The following DPEP1 variants were observed in gnomAD, a reference collection of about 807,000 sequenced individuals.
The protein encoded by DPEP1 is beta-lactamase.
A neutral mutation model predicts 42.3 loss-of-function variants in DPEP1; 50 were observed. The observed-to-expected ratio is 1.18, with a 90% CI of 0.94 to 1.50. The LOEUF is 1.50. Ranked by LOEUF, DPEP1 falls within the 40% of genes most tolerant of loss-of-function variation. DPEP1 has a pLI of 0.00. For synonymous variants in DPEP1, 297 were observed against 234.0 expected, an observed-to-expected ratio of 1.27 and a Z score of -2.46; for missense variants, 663 against 553.0, an observed-to-expected ratio of 1.20 and a Z score of -1.99.
chr16:89,640,604 G>T, downstream of DPEP1: 2 of 982,238 alleles, frequency 2.0e-6, no homozygotes, highest in Non-Finnish European at 2.4e-6. Flanking sequence ...CCTGGCTGCT[G>T]ATCATCCAGG....
chr16:89,635,932 G>A lies in DPEP1; in HGVS notation c.129G>A (p.Leu43=). 6.2e-7 allele frequency: 1 copy of A among 1,609,388 alleles called. No homozygotes were observed. The highest frequency in any genetic ancestry group is 2.2e-5 in the East Asian group (1 of 44,870). ...GGCACAATGACCTCCCCTGGCAGCTGCTGGATATGTTCAACAACCGGCTGC... is the reference window on the plus strand; with the variant it reads ...GGCACAATGACCTCCCCTGGCAGCTACTGGATATGTTCAACAACCGGCTGC... ...IDGHNDLPWQ[L]LDMFNNRLQD... Residue 43 remains leucine, a synonymous_variant, in exon 3 of 11, where the codon CTG becomes CTA. Coordinates refer to ENST00000690203, the MANE Select transcript of DPEP1 (RefSeq NM_001389466.1).
At chr16:89,622,984 G>A (rs1038047775) in intron 1 of DPEP1, among the ~76,000 whole-genome samples, 6 of 152,052 alleles carry the variant, frequency 3.9e-5, no homozygotes. Flanking sequence ...TTGCAGGCAC[G>A]ATGGGCCGGG....
At position 89,637,821 on chromosome 16, in the gene DPEP1, C is replaced by T; in HGVS notation, c.930-15C>T. ...TCCTAGTGTGGGGGCCCAGGTTCTC[C>T]TGGCCTCAACACAGGGTCCCTGAGG... On this transcript the variant is annotated splice_polypyrimidine_tract_variant and intron_variant, in intron 9 of 10. Transcript: ENST00000690203. 1.9e-6 allele frequency: 3 copies of T among 1,612,660 alleles called. No homozygotes were observed. In the South Asian group the frequency reaches 3.3e-5, roughly 18 times the overall value.
chr16:89,616,426 G>A (rs1037516784), intron 1 of DPEP1, among the ~76,000 whole-genome samples: 1 of 152,116 alleles, frequency 6.6e-6, no homozygotes, highest in South Asian at 2.1e-4. Flanking sequence ...GGGTGTGCTC[G>A]GGGCTGTGCC....
At chr16:89,622,740 C>T (rs376851072) in intron 1 of DPEP1, among the ~76,000 whole-genome samples, 38 of 150,784 alleles carry the variant, frequency 2.5e-4, no homozygotes, top group Non-Finnish European at 4.1e-4. Context: ...GCCGAGATCG[C>T]GCCATTGCAC....
At chr16:89,623,854 C>T (rs1207104692) in intron 1 of DPEP1, among the ~76,000 whole-genome samples, 2 of 152,034 alleles carry the variant, frequency 1.3e-5, no homozygotes, top group Non-Finnish European at 2.9e-5. Flanking sequence ...TTCCCTGGAC[C>T]GGAGGCAGAG....
intron 1 of DPEP1, among the ~76,000 whole-genome samples, chr16:89,629,810 G>A (rs949188719): frequency 2.6e-5 from 4 of 152,184 alleles, no homozygotes; most frequent in Admixed American, 6.5e-5. Context: ...CCGGGGGTGC[G>A]GACCCCTCAG....
downstream of DPEP1, among the ~76,000 whole-genome samples, chr16:89,641,434 C>T (rs112757812): frequency 2.0e-5 from 3 of 152,204 alleles, no homozygotes; most frequent in African/African-American, 7.2e-5. Context: ...TCGCTTCTCA[C>T]GGTGCCCCTT....
intron 1 of DPEP1, among the ~76,000 whole-genome samples, chr16:89,618,828 A>G (rs2059407734): frequency 6.6e-6 from 1 of 151,920 alleles, no homozygotes; most frequent in Non-Finnish European, 1.5e-5. Flanking sequence ...AACGGTAGGA[A>G]CCCTGCACAA....
At chr16:89,626,049 A>G (rs1196829814) in intron 1 of DPEP1, among the ~76,000 whole-genome samples, 1 of 152,104 alleles carries the variant, frequency 6.6e-6, no homozygotes, top group Non-Finnish European at 1.5e-5. Context: ...TGCTCGGAAG[A>G]CATGTGCCTC....
At chr16:89,634,993 C>T (rs1314381546) in intron 2 of DPEP1, among the ~76,000 whole-genome samples, 2 of 68,636 alleles carry the variant, frequency 2.9e-5, no homozygotes, top group Admixed American at 2.5e-4. Flanking sequence ...CTTCTCCTTT[C>T]CCTTCCTTCT....
At chr16:89,624,830 G>A (rs1247740548) in intron 1 of DPEP1, among the ~76,000 whole-genome samples, 2 of 152,072 alleles carry the variant, frequency 1.3e-5, no homozygotes, top group African/African-American at 4.8e-5. Context: ...CCACCCCCTC[G>A]GCCAGTTTTC....
chr16:89,635,867 T>C (rs769402549), intron 2 of DPEP1, 41 bp from the exon 3 acceptor site: 4 of 1,555,906 alleles, frequency 2.6e-6, no homozygotes, highest in South Asian at 2.4e-5. Flanking sequence ...CAGGTCCCAG[T>C]GGCCGCCCTG....
At position 89,617,704 on chromosome 16, in the gene DPEP1, G is replaced by GCGCGGCGGCT. The variant is rs1567979095; in HGVS notation, c.-107+3986_-107+3987insGCGGCGGCTC. Among the ~76,000 whole-genome samples, 4 of 151,056 alleles carry GCGCGGCGGCT rather than the reference G, an allele frequency of 2.6e-5. 2 individuals carry two copies. Among genetic ancestry groups the GCGCGGCGGCT allele is most frequent in the African/African-American group, 9.7e-5 (4 of 41,168 alleles). ...TAATCCCAGCACTTTGGGAGGTTGG[G>GCGCGGCGGCT]CACGGTGGCTCACACCTGTAATCCC... On this transcript the variant is annotated intron_variant, in intron 1 of 10. Coordinates refer to ENST00000690203, the MANE Select transcript of DPEP1 (RefSeq NM_001389466.1).
At chr16:89,624,448 A>C (rs1172336892) in intron 1 of DPEP1, among the ~76,000 whole-genome samples, 17 of 152,198 alleles carry the variant, frequency 1.1e-4, no homozygotes, top group Non-Finnish European at 1.5e-5. Flanking sequence ...CAAAACACGG[A>C]AAGAAAGCAG....
At chr16:89,625,487 T>C (rs1247514629) in intron 1 of DPEP1, among the ~76,000 whole-genome samples, 4 of 152,144 alleles carry the variant, frequency 2.6e-5, no homozygotes, top group Admixed American at 1.3e-4. Flanking sequence ...TGGACAAACA[T>C]TCAAACTCTA....
At chr16:89,629,612 C>T (rs1369766338) in intron 1 of DPEP1, among the ~76,000 whole-genome samples, 2 of 152,078 alleles carry the variant, frequency 1.3e-5, no homozygotes, top group Non-Finnish European at 2.9e-5. Context: ...CCAGACACCA[C>T]CCAGCCCTGG....
In DPEP1 at chr16:89,638,077, A is replaced by C; in HGVS notation, c.1091A>C (p.Glu364Ala). ...EQASNLTQAP[E>A]EEPIPLDQLG... Reference sequence around the variant, plus strand: ...GCCAGCAACCTCACACAGGCTCCCGAGGAGGAGCCCATCCCGCTGGACCAG... The same window carrying C: ...GCCAGCAACCTCACACAGGCTCCCGCGGAGGAGCCCATCCCGCTGGACCAG... The change falls in exon 11 of 11, where the codon GAG (glutamate) becomes GCG (alanine). Residue 364 changes from glutamate to alanine, a missense_variant. Glu to Ala is a moderately radical substitution (Grantham distance 107). Transcript: ENST00000690203. 6.2e-7 allele frequency: 1 copy of C among 1,612,278 alleles called. No homozygotes were observed. Among genetic ancestry groups the C allele is most frequent in the Non-Finnish European group, 8.5e-7 (1 of 1,179,832 alleles).
At chr16:89,640,095 C>T (rs536957335), downstream of DPEP1, among the ~76,000 whole-genome samples, 1 of 152,348 alleles carries the variant, frequency 6.6e-6, no homozygotes, top group South Asian at 2.1e-4. Flanking sequence ...GCGTGAGCTG[C>T]CCAGCACCAG....
Sources: allele counts gnomAD v4.1 joint callset (sites outside exome capture counted in the v4.1 genomes callset), GRCh38; gene constraint gnomAD v4.1.1; transcripts MANE v1.5; gene names NCBI Gene and HGNC (gene_info 2026-07-23, HGNC 2026-07-21).